GDPD5: variants seen among roughly 807,000 people sequenced by gnomAD.
GDPD5 encodes the protein glycerophosphodiester phosphodiesterase 2.
A neutral mutation model predicts 75.1 loss-of-function variants in GDPD5; 48 were observed. The observed-to-expected ratio is 0.64, with a 90% CI of 0.51 to 0.81. GDPD5 has a LOEUF of 0.81. GDPD5 is among the 40% of genes least tolerant of loss of function. The pLI, the probability that GDPD5 is intolerant of heterozygous loss-of-function variation, is 0.00. For synonymous variants in GDPD5, 336 were observed against 339.0 expected (o/e 0.99, Z 0.10); for missense variants, 706 against 822.6 (o/e 0.86, Z 1.73).
Position 75,441,259 on chromosome 11 carries a change from C to G in GDPD5, c.1377G>C (p.Pro459=). The G allele has an allele frequency of 1.2e-6, 2 of 1,614,102 alleles. No homozygotes were observed. The highest frequency in any genetic ancestry group is 1.7e-6 in the Non-Finnish European group (2 of 1,180,016). The change falls in exon 14 of 17, where the codon CCG becomes CCC. Residue 459 remains proline (P), a synonymous_variant. Transcript: ENST00000336898. ...LSVNLYTVNA[P]WLFSLLWCAG... Reference sequence around the variant, plus strand: ...CACACCACAGCAGGGAGAAGAGCCACGGTGCGTTGACTGTGTAGAGGTTCA... The same window carrying G: ...CACACCACAGCAGGGAGAAGAGCCAGGGTGCGTTGACTGTGTAGAGGTTCA...
intron 1 of GDPD5, among the ~76,000 whole-genome samples, chr11:75,512,803 T>A (rs977448413): frequency 3.3e-5 from 5 of 151,468 alleles, no homozygotes; most frequent in African/African-American, 1.2e-4. Flanking sequence ...TAATCCCAGC[T>A]ATGTGGGAGG....
At chr11:75,489,477 G>GA (rs1243029335) in intron 2 of GDPD5, among the ~76,000 whole-genome samples, 6 of 152,250 alleles carry the variant, frequency 3.9e-5, no homozygotes, top group Non-Finnish European at 5.9e-5. Context: ...TGCTGAGGAA[G>GA]AAAGTCCCAG....
intron 3 of GDPD5, among the ~76,000 whole-genome samples, chr11:75,463,988 T>A (rs1949467558): frequency 6.6e-6 from 1 of 152,224 alleles, no homozygotes; most frequent in Non-Finnish European, 1.5e-5. Context: ...AGCATTGGCA[T>A]CCCTCTGTCT....
intron 1 of GDPD5, chr11:75,509,087 C>G: frequency 6.6e-6 from 1 of 152,358 alleles, no homozygotes; most frequent in East Asian, 1.9e-4. Flanking sequence ...AAGCCCTATG[C>G]CCACCAGCCA....
chr11:75,524,949 T>C (rs1175440638), intron 1 of GDPD5, among the ~76,000 whole-genome samples: 1 of 152,214 alleles, frequency 6.6e-6, no homozygotes, highest in Non-Finnish European at 1.5e-5. Context: ...AGTTTCTCCA[T>C]CTGCAAGCGC....
rs183673282 is a variant in GDPD5, at chr11:75,440,032, C to T, written c.1474-71G>A. On this transcript the variant is annotated intron_variant, in intron 14 of 16. Coordinates refer to ENST00000336898, the MANE Select transcript of GDPD5 (RefSeq NM_030792.8). Reference sequence around the variant, plus strand: ...AGACTGAGGCTCCAGACTGAGGGTCCGTGGACCAAAGGACCCCACATGGCC... The same window carrying T: ...AGACTGAGGCTCCAGACTGAGGGTCTGTGGACCAAAGGACCCCACATGGCC... 1.4e-3 allele frequency: 1,696 copies of T among 1,248,060 alleles called. 1 individual carries two copies. The highest frequency in any genetic ancestry group is 1.4e-3 in the Non-Finnish European group (1,210 of 865,042). The allele number at this position is 1,248,060 out of a possible 1,614,324, so 77.3% of individuals were successfully genotyped here. A position where few individuals can be genotyped will look rare whatever the true frequency, so the allele number is the denominator to read the frequency against.
At chr11:75,447,384 T>C (rs1156615419) in intron 9 of GDPD5, among the ~76,000 whole-genome samples, 1 of 152,172 alleles carries the variant, frequency 6.6e-6, no homozygotes, top group African/African-American at 2.4e-5. Context: ...AATAACAGCA[T>C]TGTTGCTATG....
intron 3 of GDPD5, among the ~76,000 whole-genome samples, chr11:75,474,581 CTTCT>C (rs1943464671): frequency 6.6e-6 from 1 of 152,020 alleles, no homozygotes; most frequent in African/African-American, 2.4e-5. Flanking sequence ...TGGTTTCCTG[CTTCT>C]TTATTTGTTA....
intron 3 of GDPD5, among the ~76,000 whole-genome samples, chr11:75,471,552 G>T (rs1230801240): frequency 6.6e-6 from 1 of 152,194 alleles, no homozygotes; most frequent in Non-Finnish European, 1.5e-5. Flanking sequence ...CAGCCCCTTG[G>T]GGAGACATGA....
chr11:75,477,791 T>C lies in GDPD5; in HGVS notation c.-56A>G. On this transcript the variant is annotated 5_prime_UTR_variant, in exon 3 of 17. Coordinates refer to ENST00000336898, the MANE Select transcript of GDPD5 (RefSeq NM_030792.8). Reference sequence around the variant, plus strand: ...TCAGGCGCCCATGGAGGCCCCCAGCTTGTCCTGCAGGAGGAAGCACAGGGC... The same window carrying C: ...TCAGGCGCCCATGGAGGCCCCCAGCCTGTCCTGCAGGAGGAAGCACAGGGC... 7.8e-7 allele frequency: 1 copy of C among 1,279,846 alleles called. No individual in the cohort carries two copies. The allele number at this position is 1,279,846 out of a possible 1,614,324, so 79.3% of individuals were successfully genotyped here. A position where few individuals can be genotyped will look rare whatever the true frequency, so the allele number is the denominator to read the frequency against.
chr11:75,449,710 T>C, intron 7 of GDPD5, 100 bp from the exon 8 acceptor site: 1 of 1,335,962 alleles, frequency 7.5e-7, no homozygotes, highest in Non-Finnish European at 1.1e-6. Flanking sequence ...GGCAACCCTG[T>C]CTCCATCTGC....
intron 1 of GDPD5, among the ~76,000 whole-genome samples, chr11:75,514,286 G>C (rs1256842162): frequency 6.6e-6 from 1 of 152,228 alleles, no homozygotes; most frequent in African/African-American, 2.4e-5. Context: ...GTTGGCTAGG[G>C]TCCCAGAGGG....
At chr11:75,506,199 G>A (rs541869489) in intron 1 of GDPD5, among the ~76,000 whole-genome samples, 3 of 152,292 alleles carry the variant, frequency 2.0e-5, no homozygotes, top group East Asian at 3.9e-4. Flanking sequence ...AGACAAAGAC[G>A]TTTTCATCGA....
At chr11:75,442,873 T>G (rs1254979718) in intron 11 of GDPD5, 1 of 603,828 alleles carries the variant, frequency 1.7e-6, no homozygotes, top group Non-Finnish European at 2.9e-6. Context: ...TCTCTAGAGT[T>G]TTACAGAGTT....
At chr11:75,439,342 G>A (rs1948721537) in intron 15 of GDPD5, 1 of 456,352 alleles carries the variant, frequency 2.2e-6, no homozygotes, top group Non-Finnish European at 4.4e-6. Context: ...AGAATTACCT[G>A]ATCAAGTGAT....
At chr11:75,439,213 C>G (rs565036863) in intron 15 of GDPD5, 2 of 402,968 alleles carry the variant, frequency 5.0e-6, no homozygotes, top group African/African-American at 4.1e-5. Context: ...TTCAGGCGAG[C>G]GCGCTGTCTG....
chr11:75,441,443 C>A, intron 13 of GDPD5, 133 bp from the exon 14 acceptor site: 2 of 1,279,378 alleles, frequency 1.6e-6, no homozygotes, highest in Non-Finnish European at 2.2e-6. Flanking sequence ...CTCCAGAGGG[C>A]CAAGCTCCGG....
Position 75,441,754 on chromosome 11 carries a change from G to T in GDPD5, c.1217C>A (p.Pro406His). 1 of 1,611,552 alleles carries T rather than the reference G, an allele frequency of 6.2e-7. No homozygotes were observed. The part of the protein sequence containing the change: ...RQRPLVRKVA[P>H]GFQQTSGSKE... Reference sequence around the variant, plus strand: ...GGAGCCTGATGTCTGTTGGAAGCCGGGAGCCACCTTCCGCACCAGGGGCCT... The same window carrying T: ...GGAGCCTGATGTCTGTTGGAAGCCGTGAGCCACCTTCCGCACCAGGGGCCT... The change falls in exon 13 of 17, where the codon CCC becomes CAC. Residue 406 changes from proline to histidine, a missense_variant. Physicochemically the swap from Pro to His is moderately conservative, Grantham distance 77. Transcript: ENST00000336898.
intron 3 of GDPD5, among the ~76,000 whole-genome samples, chr11:75,471,817 C>T (rs1455113011): frequency 1.3e-5 from 2 of 152,186 alleles, no homozygotes; most frequent in African/African-American, 4.8e-5. Context: ...AGGCAAGAGA[C>T]AGCATGGCTT....
Sources: gnomAD v4.1 joint callset for allele counts (sites outside exome capture counted in the v4.1 genomes callset) on GRCh38, gnomAD v4.1.1 for gene constraint, MANE v1.5 for transcripts, NCBI Gene and HGNC (gene_info 2026-07-23, HGNC 2026-07-21) for gene names.